PPM1E: variants seen among roughly 807,000 people sequenced by gnomAD.
PPM1E encodes protein phosphatase, Mg2+/Mn2+ dependent 1E.
PPM1E carries 20 observed loss-of-function variants against 65.9 expected under a neutral mutation model. That is an observed-to-expected ratio of 0.30 (90% confidence interval 0.21 to 0.44). The LOEUF is 0.44. Among genes scored for constraint, PPM1E ranks in the 20% least tolerant of loss-of-function variants. PPM1E has a pLI of 1.00. For synonymous variants in PPM1E, 352 were observed against 374.9 expected (o/e 0.94, Z 0.70); for missense variants, 713 against 953.1 (o/e 0.75, Z 3.32).
chr17:58,803,157 C>T (rs931068936), intron 1 of PPM1E, among the ~76,000 whole-genome samples: 10 of 152,108 alleles, frequency 6.6e-5, no homozygotes, highest in African/African-American at 2.4e-4. Context: ...TGTTCCTGAT[C>T]TTAAAGGAAA....
At chr17:58,781,847 G>C (rs1047957338) in intron 1 of PPM1E, among the ~76,000 whole-genome samples, 1 of 151,674 alleles carries the variant, frequency 6.6e-6, no homozygotes, top group Admixed American at 6.6e-5. Context: ...GATCACGCCT[G>C]TGCACTCCAG....
chr17:58,785,679 G>A (rs2050093557), intron 1 of PPM1E: 1 of 151,298 alleles, frequency 6.6e-6, no homozygotes, highest in African/African-American at 2.4e-5. Flanking sequence ...CAGTAACCAC[G>A]ACCCCCCCAG....
intron 1 of PPM1E, among the ~76,000 whole-genome samples, chr17:58,816,226 A>G (rs1019699369): frequency 1.3e-5 from 2 of 151,826 alleles, no homozygotes; most frequent in Non-Finnish European, 2.9e-5. Flanking sequence ...GGGTTTTACC[A>G]TATTGGCCAG....
At chr17:58,946,388 G>A (rs1598668017) in intron 1 of PPM1E, among the ~76,000 whole-genome samples, 3 of 152,242 alleles carry the variant, frequency 2.0e-5, no homozygotes, top group Middle Eastern at 3.4e-3. Flanking sequence ...CCTTTGGGTT[G>A]TCTTTTTATT....
intron 1 of PPM1E, among the ~76,000 whole-genome samples, chr17:58,825,902 A>T (rs1311268813): frequency 4.6e-5 from 7 of 152,094 alleles, no homozygotes; most frequent in Admixed American, 4.6e-4. Context: ...TAGTTTTACT[A>T]CATTTTAATA....
At chr17:58,798,155 A>G (rs1375186596) in intron 1 of PPM1E, among the ~76,000 whole-genome samples, 3 of 151,802 alleles carry the variant, frequency 2.0e-5, no homozygotes, top group African/African-American at 7.3e-5. Flanking sequence ...AGTTCCTAAC[A>G]CATTCTGAAT....
intron 1 of PPM1E, among the ~76,000 whole-genome samples, chr17:58,844,128 A>AGG (rs2050748511): frequency 6.6e-6 from 1 of 152,176 alleles, no homozygotes; most frequent in Non-Finnish European, 1.5e-5. Flanking sequence ...ATTTTACTGA[A>AGG]GGACTGTAGG....
intron 1 of PPM1E, among the ~76,000 whole-genome samples, chr17:58,884,783 GA>G (rs1402046593): frequency 6.6e-6 from 1 of 152,008 alleles, no homozygotes; most frequent in Non-Finnish European, 1.5e-5. Flanking sequence ...GGTGACCAGA[GA>G]ATTAATTAAT....
chr17:58,803,246 T>G (rs901394157), intron 1 of PPM1E, among the ~76,000 whole-genome samples: 5 of 152,186 alleles, frequency 3.3e-5, no homozygotes, highest in African/African-American at 1.2e-4. Context: ...CGAAGGTACA[T>G]TCCTTCAATA....
chr17:58,932,853 A>G (rs1045419941), intron 1 of PPM1E, among the ~76,000 whole-genome samples: 1 of 152,232 alleles, frequency 6.6e-6, no homozygotes, highest in African/African-American at 2.4e-5. Flanking sequence ...ATTTTAGTCA[A>G]TAACAGGCCA....
At chr17:58,962,232 C>T (rs530553573) in intron 2 of PPM1E, among the ~76,000 whole-genome samples, 1 of 149,470 alleles carries the variant, frequency 6.7e-6, no homozygotes, top group East Asian at 2.0e-4. Context: ...TGTGGTGAGC[C>T]GAGATTGTGC....
intron 1 of PPM1E, among the ~76,000 whole-genome samples, chr17:58,787,197 A>G (rs2050108632): frequency 1.3e-5 from 2 of 152,238 alleles, no homozygotes; most frequent in South Asian, 4.1e-4. Context: ...TCATATAACT[A>G]GTAAATGGCA....
At chr17:58,764,189 G>A (rs2144148801) in intron 1 of PPM1E, among the ~76,000 whole-genome samples, 1 of 151,670 alleles carries the variant, frequency 6.6e-6, no homozygotes, top group East Asian at 1.9e-4. Context: ...ATCCCAATTT[G>A]GAGTATCACA....
At chr17:58,836,928 G>A (rs1321998588) in intron 1 of PPM1E, among the ~76,000 whole-genome samples, 1 of 149,182 alleles carries the variant, frequency 6.7e-6, no homozygotes, top group African/African-American at 2.5e-5. Context: ...GCTGAGGCAG[G>A]AGAATGGCGT....
intron 1 of PPM1E, among the ~76,000 whole-genome samples, chr17:58,823,597 G>T (rs2050502421): frequency 6.6e-6 from 1 of 151,802 alleles, no homozygotes; most frequent in African/African-American, 2.4e-5. Flanking sequence ...ATTGTGTTTT[G>T]TATATTTTTA....
chr17:58,937,913 G>C (rs1442740756), intron 1 of PPM1E, among the ~76,000 whole-genome samples: 1 of 139,024 alleles, frequency 7.2e-6, no homozygotes, highest in Non-Finnish European at 1.6e-5. Context: ...AGAAAAGAAA[G>C]AAAGAAAACA....
chr17:58,809,941 G>C (rs1304056350), intron 1 of PPM1E, among the ~76,000 whole-genome samples: 1 of 152,094 alleles, frequency 6.6e-6, no homozygotes, highest in Non-Finnish European at 1.5e-5. Context: ...AAAAGGTGAA[G>C]TTATCTTAAT....
At chr17:58,878,621 A>G (rs996552020) in intron 1 of PPM1E, among the ~76,000 whole-genome samples, 2 of 151,830 alleles carry the variant, frequency 1.3e-5, no homozygotes, top group African/African-American at 4.8e-5. Flanking sequence ...AATATAGCCT[A>G]CAAAATTCTG....
chr17:58,874,773 A>G (rs1007730668), intron 1 of PPM1E, among the ~76,000 whole-genome samples: 4 of 152,194 alleles, frequency 2.6e-5, no homozygotes, highest in Non-Finnish European at 4.4e-5. Context: ...CACCACTGGA[A>G]ACTCCTCACA....
Sources: gnomAD v4.1 joint callset for allele counts (sites outside exome capture counted in the v4.1 genomes callset) on GRCh38, gnomAD v4.1.1 for gene constraint, MANE v1.5 for transcripts, NCBI Gene and HGNC (gene_info 2026-07-23, HGNC 2026-07-21) for gene names.